EPB41L2: variants seen among roughly 807,000 people sequenced by gnomAD.
EPB41L2 encodes the protein band 4.1-like protein 2.
Under a neutral mutation model 113.0 loss-of-function variants are expected in EPB41L2, and 43 were observed. That is an observed-to-expected ratio of 0.38 (90% CI 0.30 to 0.49). The LOEUF (loss-of-function observed/expected upper bound fraction) is 0.49. Among genes scored for constraint, EPB41L2 ranks in the 20% least tolerant of loss-of-function variants. The pLI, the probability that EPB41L2 is intolerant of heterozygous loss-of-function variation, is 0.95. For missense variants in EPB41L2, 1,147 were observed against 1,223.4 expected (o/e 0.94, Z 0.93); for synonymous variants, 442 against 436.7 (o/e 1.01, Z -0.15).
intron 1 of EPB41L2, among the ~76,000 whole-genome samples, chr6:130,958,312 CGT>C (rs1818154249): frequency 9.9e-5 from 15 of 151,900 alleles, no homozygotes; most frequent in Non-Finnish European, 1.0e-4. Context: ...CTTAGCTGAG[CGT>C]GGTGGCACGT....
At chr6:130,941,255 C>A (rs1810777002) in intron 3 of EPB41L2, among the ~76,000 whole-genome samples, 3 of 152,022 alleles carry the variant, frequency 2.0e-5, no homozygotes, top group Non-Finnish European at 4.4e-5. Flanking sequence ...AATGAAAACC[C>A]AGGATTTTTG....
rs562491781 is a variant in EPB41L2, at chr6:130,866,923, G to A, written c.2730+536C>T. Among the ~76,000 whole-genome samples, 9 of 152,176 alleles carry A rather than the reference G, an allele frequency of 5.9e-5. No homozygotes were observed. The South Asian group carries it at 1.9e-3, about 32-fold the overall frequency. ...ATATGAATGACTACATAGGTCTTTA[G>A]AAAATAATTCCACACGAAGGAGAAG... On this transcript the variant is annotated intron_variant, in intron 16 of 19. Transcript: ENST00000337057.
intron 1 of EPB41L2, among the ~76,000 whole-genome samples, chr6:131,044,571 T>A (rs1247704425): frequency 7.9e-5 from 12 of 152,160 alleles, no homozygotes; most frequent in Admixed American, 7.9e-4. Context: ...TCATAAAATC[T>A]TTAGCTTGGA....
At chr6:130,954,448 T>C (rs952153967) in intron 3 of EPB41L2, among the ~76,000 whole-genome samples, 6 of 152,166 alleles carry the variant, frequency 3.9e-5, no homozygotes, top group African/African-American at 1.2e-4. Context: ...TCTACCTTTA[T>C]TGATTCTTAA....
chr6:130,987,167 A>G (rs1780758724), intron 1 of EPB41L2, among the ~76,000 whole-genome samples: 1 of 152,178 alleles, frequency 6.6e-6, no homozygotes, highest in Non-Finnish European at 1.5e-5. Flanking sequence ...TTTGGTTAGT[A>G]TGAATAGCCA....
intron 1 of EPB41L2, among the ~76,000 whole-genome samples, chr6:130,988,032 C>T (rs563106694): frequency 1.3e-5 from 2 of 152,112 alleles, no homozygotes; most frequent in Admixed American, 1.3e-4. Context: ...GGAAAAGTTG[C>T]TTGCACCCAG....
chr6:130,997,339 T>C lies in EPB41L2; in HGVS notation c.-14-40840A>G, dbSNP rs188738211. Among the ~76,000 whole-genome samples, 5 of 152,282 alleles carry C rather than the reference T, an allele frequency of 3.3e-5. No individual in the cohort carries two copies. In the East Asian group the frequency reaches 5.8e-4, roughly 18 times the overall value. On this transcript the variant is annotated intron_variant, in intron 1 of 19. Coordinates refer to ENST00000337057, the MANE Select transcript of EPB41L2 (RefSeq NM_001431.4). ...AAATTAAGAGGTCTTTAAAAAGCAA[T>C]GCACATCAACAAAAGACTTAAGAGT... is the stretch of plus-strand genomic sequence containing the variant.
At chr6:130,887,131 C>G (rs952467528) in intron 11 of EPB41L2, among the ~76,000 whole-genome samples, 1 of 152,142 alleles carries the variant, frequency 6.6e-6, no homozygotes, top group Non-Finnish European at 1.5e-5. Flanking sequence ...ATTTGAATAT[C>G]AAATTAAAAG....
At position 130,956,125 on chromosome 6, in the gene EPB41L2, C is replaced by A. The variant is rs1168625576; in HGVS notation, c.361G>T (p.Glu121Ter). The A allele has an allele frequency of 6.2e-7, 1 of 1,614,122 alleles. No individual in the cohort carries two copies. The highest frequency in any genetic ancestry group is 8.5e-7 in the Non-Finnish European group (1 of 1,180,032). Residue 121 changes from glutamate to a stop codon, truncating the protein, a stop_gained, in exon 2 of 20, where the codon GAA becomes TAA. Coordinates refer to ENST00000337057, the MANE Select transcript of EPB41L2 (RefSeq NM_001431.4). LOFTEE classifies it high-confidence loss of function. ...GCATCACCCTTAGCCTGTCTCTGTT[C>A]TTCTGGAAGGGGTTCCTCTTTATCT... ...VLDKEEPLPE[E>*]QRQAKGDAEE...
At chr6:130,987,049 T>C (rs139400270) in intron 1 of EPB41L2, among the ~76,000 whole-genome samples, 1 of 152,202 alleles carries the variant, frequency 6.6e-6, no homozygotes, top group Non-Finnish European at 1.5e-5. Flanking sequence ...TGTTGTAACA[T>C]ATCAGTACTT....
At chr6:131,053,396 C>T (rs1372975315) in intron 1 of EPB41L2, among the ~76,000 whole-genome samples, 4 of 135,434 alleles carry the variant, frequency 3.0e-5, no homozygotes, top group Non-Finnish European at 1.5e-5. Context: ...TTGAGACCCT[C>T]ATTAGGAGAC....
At chr6:130,891,420 T>C (rs1405106651) in intron 10 of EPB41L2, among the ~76,000 whole-genome samples, 2 of 102,784 alleles carry the variant, frequency 1.9e-5, no homozygotes, top group South Asian at 7.6e-4. Context: ...GCTTTATTTA[T>C]TTATTTATTT....
chr6:130,926,533 A>G, intron 4 of EPB41L2, 72 bp downstream of exon 4: 1 of 1,099,230 alleles, frequency 9.1e-7, no homozygotes, highest in Non-Finnish European at 1.3e-6. Flanking sequence ...TAAATTTTAA[A>G]CTGAGATAAA....
intron 18 of EPB41L2, among the ~76,000 whole-genome samples, chr6:130,859,297 G>A (rs556032662): frequency 6.6e-6 from 1 of 152,222 alleles, no homozygotes; most frequent in South Asian, 2.1e-4. Flanking sequence ...CAACGCGGGC[G>A]ATCACTTGAG....
chr6:130,895,053 G>A lies in EPB41L2; in HGVS notation c.1303C>T (p.Leu435=). Residue 435 remains leucine (L), a synonymous_variant, in exon 9 of 20, where the codon CTG becomes TTG. Coordinates refer to ENST00000337057, the MANE Select transcript of EPB41L2 (RefSeq NM_001431.4). ...ANGLLIYKDR[L]RINRFAWPKI... is the part of the protein sequence containing the mutation. ...GGCCAAGCAAAACGATTGATTCGCA[G>A]TCTGTCTTTGTAAATGAGAAGTCCA... The A allele has an allele frequency of 6.2e-7, 1 of 1,614,014 alleles. No homozygotes were observed. Among genetic ancestry groups the A allele is most frequent in the Non-Finnish European group, 8.5e-7 (1 of 1,179,928 alleles).
At chr6:130,892,670 T>G (rs1033313607) in intron 10 of EPB41L2, among the ~76,000 whole-genome samples, 13 of 152,150 alleles carry the variant, frequency 8.5e-5, no homozygotes, top group Admixed American at 6.6e-5. Context: ...TATTATCAAT[T>G]TAACGTCAAG....
rs1801127426 is a variant in EPB41L2 at position 130,916,466 on chromosome 6, T to C, written c.811-7603A>G. On this transcript the variant is annotated intron_variant, in intron 4 of 19. Coordinates refer to ENST00000337057, the MANE Select transcript of EPB41L2 (RefSeq NM_001431.4). ...CTTAATTATGAATCCTAATACTGTATTTATATTCATAGAATACCAGTGTTA... is the reference window on the plus strand; with the variant it reads ...CTTAATTATGAATCCTAATACTGTACTTATATTCATAGAATACCAGTGTTA... 2.0e-5 allele frequency among the ~76,000 whole-genome samples: 3 copies of C among 152,218 alleles called. No individual in the cohort carries two copies. In the South Asian group the frequency reaches 6.2e-4, roughly 32 times the overall value.
chr6:131,007,196 C>G (rs1785793292), intron 1 of EPB41L2, among the ~76,000 whole-genome samples: 1 of 152,150 alleles, frequency 6.6e-6, no homozygotes, highest in Non-Finnish European at 1.5e-5. Context: ...AGGGTAGGAC[C>G]AGGTGGGCAG....
At chr6:130,991,600 C>T (rs912784789) in intron 1 of EPB41L2, among the ~76,000 whole-genome samples, 13 of 152,202 alleles carry the variant, frequency 8.5e-5, no homozygotes, top group Non-Finnish European at 1.6e-4. Context: ...TTGAACTCCA[C>T]TACGTATCTA....
Sources: gnomAD v4.1 joint callset for allele counts (sites outside exome capture counted in the v4.1 genomes callset) on GRCh38, gnomAD v4.1.1 for gene constraint, MANE v1.5 for transcripts, NCBI Gene and HGNC (gene_info 2026-07-23, HGNC 2026-07-21) for gene names.